The following OSBPL10 variants were observed in gnomAD, a reference collection of about 807,000 sequenced individuals.
OSBPL10 encodes oxysterol-binding protein-related protein 10.
OSBPL10 carries 49 observed loss-of-function variants against 81.7 expected under a neutral mutation model. The ratio of observed to expected loss-of-function variants is 0.60; its 90% CI spans 0.48 to 0.76. The LOEUF is 0.76. OSBPL10 is among the 30% of genes least tolerant of loss of function. The pLI is 0.00. For missense variants in OSBPL10, 923 were observed against 987.8 expected, an observed-to-expected ratio of 0.93 and a Z score of 0.88; for synonymous variants, 419 against 383.6, an observed-to-expected ratio of 1.09 and a Z score of -1.08.
intron 4 of OSBPL10, among the ~76,000 whole-genome samples, chr3:31,785,651 C>A (rs1255783703): frequency 1.3e-5 from 2 of 151,242 alleles, no homozygotes; most frequent in Non-Finnish European, 2.9e-5. Flanking sequence ...TTTTTCTTTT[C>A]ATTCTATAAA....
At chr3:31,983,342 G>A (rs546551303), upstream of OSBPL10, among the ~76,000 whole-genome samples, 38 of 152,298 alleles carry the variant, frequency 2.5e-4, no homozygotes, top group South Asian at 7.7e-3. Context: ...AAGAGGAGAA[G>A]TGTCATTTTA....
chr3:31,705,405 G>C (rs996871138), intron 6 of OSBPL10, among the ~76,000 whole-genome samples: 1 of 139,224 alleles, frequency 7.2e-6, no homozygotes, highest in South Asian at 2.3e-4. Flanking sequence ...GGTCCAACTT[G>C]GGGGTACATA....
chr3:31,987,006 C>CA (rs577485237), intron 2 of OSBPL10, among the ~76,000 whole-genome samples: 31 of 151,064 alleles, frequency 2.1e-4, no homozygotes, highest in African/African-American at 5.1e-4. Context: ...GACCCTATCT[C>CA]AAAAAAAACA....
At chr3:31,849,921 T>C (rs147488022) in intron 3 of OSBPL10, among the ~76,000 whole-genome samples, 11 of 152,228 alleles carry the variant, frequency 7.2e-5, no homozygotes, top group African/African-American at 2.6e-4. Context: ...TCCCAGCACT[T>C]TGGGAGACCG....
At chr3:31,715,973 C>T (rs1451922823) in intron 6 of OSBPL10, among the ~76,000 whole-genome samples, 4 of 152,158 alleles carry the variant, frequency 2.6e-5, no homozygotes, top group Admixed American at 6.5e-5. Context: ...TATGCAGTTA[C>T]GGGCCTGAAC....
chr3:31,909,334 C>A (rs1421398364), intron 1 of OSBPL10, among the ~76,000 whole-genome samples: 1 of 152,070 alleles, frequency 6.6e-6, no homozygotes, highest in Non-Finnish European at 1.5e-5. Flanking sequence ...AACCAGAATA[C>A]CAATATGATT....
Position 31,990,028 on chromosome 3 carries a change from G to T in OSBPL10, n.298+56463C>A, listed in dbSNP as rs549794878. The T allele has an allele frequency of 3.2e-5, 52 of 1,613,798 alleles. No individual in the cohort carries two copies. The South Asian group carries it at 5.5e-4, about 17-fold the overall frequency. On this transcript the variant is annotated intron_variant and non_coding_transcript_variant, in intron 2 of 3. Transcript: ENST00000479173. ...TACTGGAGAGAAACCTTACAAATGT[G>T]AAGAATGTGACAAAGTTTTTAGTCG...
chr3:31,687,668 C>A (rs1700826495), intron 7 of OSBPL10, among the ~76,000 whole-genome samples: 1 of 152,106 alleles, frequency 6.6e-6, no homozygotes, highest in South Asian at 2.1e-4. Context: ...CCTGCCATTA[C>A]CCCATGACAC....
intron 1 of OSBPL10, chr3:32,064,082 G>A (rs1171287222): frequency 1.1e-5 from 1 of 92,516 alleles, no homozygotes; most frequent in Non-Finnish European, 2.9e-5. Flanking sequence ...TCCCACCTCA[G>A]CCTCCCTAGT....
intron 6 of OSBPL10, among the ~76,000 whole-genome samples, chr3:31,723,291 C>T (rs1172388695): frequency 3.3e-5 from 5 of 152,178 alleles, no homozygotes; most frequent in Non-Finnish European, 7.3e-5. Context: ...CAGAGCACCG[C>T]ATGACACCCA....
In OSBPL10 at chr3:31,987,291, A is replaced by G. The variant is rs550834629; in HGVS notation, n.298+59200T>C. The stretch of plus-strand genomic sequence containing the variant: ...AGTATAGACAATTTCCTTTAGAGCT[A>G]TATTATCCTTTGTAACAGTTTCAGA... On this transcript the variant is annotated intron_variant and non_coding_transcript_variant, in intron 2 of 3. Coordinates refer to the OSBPL10 transcript ENST00000479173. Among the ~76,000 whole-genome samples, 14 of 152,332 alleles carry G rather than the reference A, an allele frequency of 9.2e-5. No individual in the cohort carries two copies. In the South Asian group the frequency reaches 2.9e-3, roughly 32 times the overall value.
chr3:31,810,734 T>C (rs1230969253), intron 4 of OSBPL10, among the ~76,000 whole-genome samples: 1 of 152,136 alleles, frequency 6.6e-6, no homozygotes, highest in Admixed American at 6.5e-5. Flanking sequence ...AATTATGAGA[T>C]ACAAGTTTTC....
In OSBPL10 at chr3:31,684,044, G is replaced by T. The variant is rs370045273; in HGVS notation, c.1316C>A (p.Pro439Gln). 15 of 1,614,104 alleles carry T rather than the reference G, an allele frequency of 9.3e-6. No homozygotes were observed. The highest frequency in any genetic ancestry group is 1.6e-4 in the Middle Eastern group (1 of 6,084). Reference protein sequence around the residue: ...LEMYADFMAHPDLLLAITAGA... With the variant: ...LEMYADFMAHQDLLLAITAGA... ...AGCGGTGATGGCCAGCAGTAGGTCT[G>T]GGTGCGCCATGAAATCTGCATACAT... Residue 439 changes from proline to glutamine, a missense_variant, in exon 8 of 12, where the codon CCA (proline) becomes CAA (glutamine). Coordinates refer to ENST00000396556, the MANE Select transcript of OSBPL10 (RefSeq NM_017784.5).
At chr3:31,797,326 T>A (rs1007925084) in intron 4 of OSBPL10, among the ~76,000 whole-genome samples, 3 of 151,918 alleles carry the variant, frequency 2.0e-5, no homozygotes, top group Non-Finnish European at 4.4e-5. Flanking sequence ...GAAACTCAAG[T>A]TGAGTATTCA....
chr3:32,052,184 T>C (rs1339524659), intron 1 of OSBPL10, among the ~76,000 whole-genome samples: 1 of 150,636 alleles, frequency 6.6e-6, no homozygotes, highest in Non-Finnish European at 1.5e-5. Context: ...GAGGTAGAGG[T>C]TGGAATGAGC....
chr3:31,806,694 T>C (rs1048780258), intron 4 of OSBPL10, among the ~76,000 whole-genome samples: 2 of 150,632 alleles, frequency 1.3e-5, no homozygotes, highest in African/African-American at 4.9e-5. Flanking sequence ...GGCAAGGGCA[T>C]AGAGAGTGAT....
intron 1 of OSBPL10, among the ~76,000 whole-genome samples, chr3:32,068,927 G>A (rs1018142005): frequency 6.6e-5 from 10 of 151,838 alleles, no homozygotes; most frequent in Admixed American, 6.6e-5. Flanking sequence ...GCTGAATCAG[G>A]CTCCAACTCT....
At chr3:31,729,218 G>C (rs1251258856) in intron 6 of OSBPL10, among the ~76,000 whole-genome samples, 1 of 152,174 alleles carries the variant, frequency 6.6e-6, no homozygotes, top group Non-Finnish European at 1.5e-5. Flanking sequence ...ACATGGTCAC[G>C]TGTGAGCTCT....
Position 31,860,868 on chromosome 3 carries a change from T to TG in OSBPL10, c.537+15564dup, listed in dbSNP as rs1553634591. Among the ~76,000 whole-genome samples, 839 of 133,002 alleles carry TG rather than the reference T, an allele frequency of 6.3e-3. 10 individuals carry two copies. The highest frequency in any genetic ancestry group is 0.028 in the African/African-American group (765 of 26,862). 87.3% of individuals were successfully genotyped at this position (133,002 alleles called of 152,430 possible). A position where few individuals can be genotyped will look rare whatever the true frequency, so the allele number is the denominator to read the frequency against. On this transcript the variant is annotated intron_variant, in intron 3 of 11. Coordinates refer to ENST00000396556, the MANE Select transcript of OSBPL10 (RefSeq NM_017784.5). Reference sequence around the variant, plus strand: ...TGGGGTTTTTTGGGGTTTTTTTTTTTGGGTTTTTTTTTTTGTATTTTTAGT... The same window carrying TG: ...TGGGGTTTTTTGGGGTTTTTTTTTTTGGGGTTTTTTTTTTTGTATTTTTAGT...
Sources: allele counts gnomAD v4.1 joint callset (sites outside exome capture counted in the v4.1 genomes callset), GRCh38; gene constraint gnomAD v4.1.1; transcripts MANE v1.5; gene names NCBI Gene and HGNC (gene_info 2026-07-23, HGNC 2026-07-21).